NBPF12: variants seen among roughly 807,000 people sequenced by gnomAD.
The protein encoded by NBPF12 is NBPF family member NBPF12.
NBPF12 carries 115 observed loss-of-function variants against 146.4 expected under a neutral mutation model. The ratio of observed to expected loss-of-function variants is 0.79; its 90% confidence interval spans 0.68 to 0.92. NBPF12 has a LOEUF of 0.92. Among genes scored for constraint, NBPF12 ranks in the 40% least tolerant of loss-of-function variants. The pLI is 0.00. For synonymous variants in NBPF12, 385 were observed against 508.9 expected (o/e 0.76, Z 3.28); for missense variants, 1,205 against 1,326.8 (o/e 0.91, Z 1.43).
At chr1:146,955,854 T>C (rs1655561145) in intron 2 of NBPF12, among the ~76,000 whole-genome samples, 1 of 151,452 alleles carries the variant, frequency 6.6e-6, no homozygotes, top group African/African-American at 2.4e-5. Context: ...GTAAAACTCG[T>C]TTAATACTAA....
chr1:146,971,130 C>A, intron 12 of NBPF12, 53 bp from the exon 16 acceptor site: 7 of 1,608,998 alleles, frequency 4.4e-6, no homozygotes, highest in Non-Finnish European at 5.1e-6. Flanking sequence ...TCCTTGGGGT[C>A]CAATCCCTCT....
intron 1 of NBPF12, among the ~76,000 whole-genome samples, chr1:146,950,763 T>G (rs1439681908): frequency 2.0e-5 from 3 of 152,272 alleles, no homozygotes; most frequent in African/African-American, 7.2e-5. Context: ...GAATGTATAT[T>G]TGAATGTATA....
intron 4 of NBPF12, 63 bp from the exon 8 acceptor site, chr1:146,962,098 G>A (rs1655886938): frequency 6.5e-7 from 1 of 1,531,438 alleles, no homozygotes; most frequent in South Asian, 1.1e-5. Flanking sequence ...CTGCCCTGTA[G>A]GCAGTGACCA....
chr1:146,956,506 C>T (rs1163546335), intron 2 of NBPF12, among the ~76,000 whole-genome samples: 1 of 150,980 alleles, frequency 6.6e-6, no homozygotes, highest in South Asian at 2.1e-4. Context: ...GAAATTATGC[C>T]TTTATAAAGT....
upstream of NBPF12, among the ~76,000 whole-genome samples, chr1:146,946,480 T>C (rs1655073042): frequency 6.7e-6 from 1 of 150,128 alleles, no homozygotes; most frequent in Admixed American, 6.6e-5. Context: ...GCCATCTGTA[T>C]ATCTTATTAA....
chr1:146,939,321 C>T (rs1426564552), intron 1 of NBPF12, among the ~76,000 whole-genome samples: 25 of 152,164 alleles, frequency 1.6e-4, no homozygotes, highest in African/African-American at 4.8e-4. Flanking sequence ...ACCCCACCCT[C>T]GAGGCCGTTC....
At chr1:146,971,248 G>C in exon 13 of NBPF12, 2 of 1,612,356 alleles carry the variant, frequency 1.2e-6, no homozygotes, top group South Asian at 1.1e-5. Context: ...GCCATCACTT[G>C]TTCAAATAGC....
At chr1:146,962,187 A>G in exon 5 of NBPF12, 2 of 1,608,914 alleles carry the variant, frequency 1.2e-6, no homozygotes, top group South Asian at 2.2e-5. Context: ...AGACCTCATA[A>G]AATTTATGCT....
In NBPF12 at chr1:146,994,409, C is replaced by G; in HGVS notation, c.4208C>G (p.Ser1403Ter). 1 of 1,612,326 alleles carries G rather than the reference C, an allele frequency of 6.2e-7. No homozygotes were observed. Among genetic ancestry groups the G allele is most frequent in the African/African-American group, 1.3e-5 (1 of 74,764 alleles). ...CTGGATAGATGTTATTCGACTCCAT[C>G]AATGTACTTTGAACTACCTGACTCA... Residue 1403 changes from serine to a stop codon, truncating the protein, a stop_gained, in exon 34 of 34, where the codon TCA becomes TGA. Transcript: ENST00000617844. LOFTEE classifies it high-confidence loss of function.
chr1:146,965,635 A>G (rs1169588825), intron 8 of NBPF12, among the ~76,000 whole-genome samples: 3 of 149,390 alleles, frequency 2.0e-5, no homozygotes, highest in Non-Finnish European at 4.4e-5. Flanking sequence ...ACAAAAAAAA[A>G]AAAAAAATTA....
chr1:146,966,987 A>G (rs1656252681), intron 9 of NBPF12, among the ~76,000 whole-genome samples: 3 of 151,136 alleles, frequency 2.0e-5, no homozygotes, highest in Non-Finnish European at 2.9e-5. Context: ...TCTGTGCCAC[A>G]TAAGATCCTG....
At position 146,957,892 on chromosome 1, in the gene NBPF12, C is replaced by CGT. The variant is rs1202691907; in HGVS notation, c.-183-1967_-183-1966insGT. ...ATATATTGTATATTATGTATATACACATATATATACACGTATGTATATACA... is the reference window on the plus strand; with the variant it reads ...ATATATTGTATATTATGTATATACACGTATATATATACACGTATGTATATACA... On this transcript the variant is annotated intron_variant, in intron 2 of 33. Transcript: ENST00000617844. Among the ~76,000 whole-genome samples the CGT allele has an allele frequency of 5.5e-5, 6 of 109,628 alleles. 2 individuals carry two copies. Among genetic ancestry groups the CGT allele is most frequent in the Admixed American group, 1.0e-4 (1 of 9,530 alleles). 71.9% of individuals were successfully genotyped at this position (109,628 alleles called of 152,430 possible). A position where few individuals can be genotyped will look rare whatever the true frequency, so the allele number is the denominator to read the frequency against.
chr1:146,939,336 T>C (rs1654688126), intron 1 of NBPF12, among the ~76,000 whole-genome samples: 1 of 152,024 alleles, frequency 6.6e-6, no homozygotes, highest in Non-Finnish European at 1.5e-5. Flanking sequence ...CCGTTCCTTC[T>C]GGGAACTTGG....
chr1:146,945,241 A>G (rs1655000154), upstream of NBPF12, among the ~76,000 whole-genome samples: 1 of 151,318 alleles, frequency 6.6e-6, no homozygotes, highest in Non-Finnish European at 1.5e-5. Flanking sequence ...AAATCTCTGG[A>G]GCTGCTTCTG....
At chr1:146,971,197 C>T (rs1271954768) in exon 13 of NBPF12, 10 of 1,611,586 alleles carry the variant, frequency 6.2e-6, no homozygotes, top group East Asian at 4.5e-5. Flanking sequence ...ATGCAGAAGG[C>T]TGAAGAAAGC....
rs1280729689 is a variant in NBPF12 at position 146,994,226 on chromosome 1, C to G, written c.4131-106C>G. 3 of 1,606,340 alleles carry G rather than the reference C, an allele frequency of 1.9e-6. No homozygotes were observed. In the African/African-American group the frequency reaches 4.1e-5, roughly 22 times the overall value. ...TTTGTTACCTCATTAATGGATCTGT[C>G]CTTTTTCTTTTCTAACCACTTCCTT... On this transcript the variant is annotated intron_variant, in intron 33 of 33. Coordinates refer to ENST00000617844, the Ensembl canonical transcript of NBPF12.
upstream of NBPF12, among the ~76,000 whole-genome samples, chr1:146,948,060 G>A (rs1323493590): frequency 2.6e-5 from 4 of 151,688 alleles, no homozygotes; most frequent in Admixed American, 6.6e-5. Context: ...CCTTGGGCTC[G>A]AATGCAACGG....
intron 25 of NBPF12, among the ~76,000 whole-genome samples, chr1:146,987,733 T>TTGTGTGTGTGTGTGTGTG (rs782154969): frequency 2.1e-5 from 3 of 146,236 alleles, no homozygotes; most frequent in African/African-American, 7.6e-5. Context: ...GTGTGTGTGT[T>TTGTGTGTGTGTGTGTGTG]TGTGTGTGTG....
At chr1:146,965,640 AAATT>A (rs1410330528) in intron 8 of NBPF12, among the ~76,000 whole-genome samples, 3 of 148,978 alleles carry the variant, frequency 2.0e-5, no homozygotes, top group Non-Finnish European at 4.5e-5. Context: ...AAAAAAAAAA[AAATT>A]AGCTGGGCGC....
Sources: allele counts gnomAD v4.1 joint callset (sites outside exome capture counted in the v4.1 genomes callset), GRCh38; gene constraint gnomAD v4.1.1; transcripts MANE v1.5; gene names NCBI Gene and HGNC (gene_info 2026-07-23, HGNC 2026-07-21).